RET: variants seen among roughly 807,000 people sequenced by gnomAD.
RET encodes proto-oncogene tyrosine-protein kinase receptor Ret.
A neutral mutation model predicts 118.3 loss-of-function variants in RET; 19 were observed. That is an observed-to-expected ratio of 0.16 (90% CI 0.11 to 0.24). RET has a LOEUF of 0.24. Ranked by LOEUF, RET falls within the 10% of genes least tolerant of loss-of-function variation. The pLI is 1.00. For missense variants in RET, 1,219 were observed against 1,502.1 expected (o/e 0.81, Z 3.12); for synonymous variants, 597 against 644.1 (o/e 0.93, Z 1.11).
At chr10:43,112,757 T>G in intron 8 of RET, 96 bp from the exon 9 acceptor site, 1 of 933,036 alleles carries the variant, frequency 1.1e-6, no homozygotes, top group Non-Finnish European at 1.7e-6. Flanking sequence ...GGCCTCCAGT[T>G]GCTCCTCCCT....
chr10:43,077,353 C>T, intron 1 of RET, 22 bp downstream of exon 1: 2 of 1,504,782 alleles, frequency 1.3e-6, no homozygotes, highest in Non-Finnish European at 8.8e-7. Flanking sequence ...CGGCCGCCGG[C>T]TCCCGCAGGG....
At chr10:43,096,569 G>C (rs1267269792) in intron 1 of RET, among the ~76,000 whole-genome samples, 1 of 152,154 alleles carries the variant, frequency 6.6e-6, no homozygotes. Flanking sequence ...GGCTGCACCT[G>C]CACTGGCCGT....
At chr10:43,100,351 GA>G in intron 1 of RET, 107 bp from the exon 2 acceptor site, 1 of 1,341,512 alleles carries the variant, frequency 7.5e-7, no homozygotes, top group Non-Finnish European at 1.0e-6. Context: ...GAACAGAGAT[GA>G]AAAACTCCTG....
intron 1 of RET, among the ~76,000 whole-genome samples, chr10:43,089,396 G>T (rs185011306): frequency 4.1e-4 from 63 of 152,352 alleles, no homozygotes; most frequent in Non-Finnish European, 7.2e-4. Context: ...TGAGCCCAGG[G>T]CTATGGGTGA....
intron 1 of RET, among the ~76,000 whole-genome samples, chr10:43,081,822 G>A (rs138782943): frequency 7.5e-4 from 114 of 152,318 alleles, no homozygotes; most frequent in Middle Eastern, 3.4e-3. Context: ...GGATTGAGGC[G>A]AAGCCTTGGT....
rs1837792528 is a variant in RET at position 43,106,862 on chromosome 10, C to T, written c.1063+291C>T. On this transcript the variant is annotated intron_variant, in intron 5 of 19. Transcript: ENST00000355710. The surrounding 1 kb of genome is among the most constrained non-coding windows in gnomAD (Gnocchi z 5.1). ...CCTCACCAGGGCTCACCACCGACTG[C>T]AAACACACATGTCACCTGAGGCTTT... 6.6e-6 allele frequency among the ~76,000 whole-genome samples: 1 copy of T among 152,228 alleles called. No homozygotes were observed. Among genetic ancestry groups the T allele is most frequent in the East Asian group, 1.9e-4 (1 of 5,200 alleles).
chr10:43,078,109 C>CA (rs969559315), intron 1 of RET, among the ~76,000 whole-genome samples: 8 of 152,210 alleles, frequency 5.3e-5, no homozygotes, highest in Non-Finnish European at 1.0e-4. Flanking sequence ...CCTTAGGATC[C>CA]CAGCATTAGG....
intron 1 of RET, among the ~76,000 whole-genome samples, chr10:43,096,676 T>G (rs1449098997): frequency 6.6e-6 from 1 of 152,192 alleles, no homozygotes; most frequent in Non-Finnish European, 1.5e-5. Flanking sequence ...GTCCGGTGGT[T>G]CCTGATGCCA....
chr10:43,128,215 T>C lies in RET; in HGVS notation c.3291T>C (p.Ala1097=). 6.2e-7 allele frequency: 1 copy of C among 1,614,226 alleles called. No individual in the cohort carries two copies. The highest frequency in any genetic ancestry group is 8.5e-7 in the Non-Finnish European group (1 of 1,180,036). Reference sequence around the variant, plus strand: ...GATATCCAAATGATAGTGTATATGCTAACTGGATGCTTTCACCCTCAGCGG... The same window carrying C: ...GATATCCAAATGATAGTGTATATGCCAACTGGATGCTTTCACCCTCAGCGG... ...FPRYPNDSVY[A]NWMLSPSAAK... Residue 1097 remains alanine, a synonymous_variant, in exon 20 of 20, where the codon GCT becomes GCC. Coordinates refer to ENST00000355710, the MANE Select transcript of RET (RefSeq NM_020975.6).
chr10:43,078,795 C>T (rs554622647), intron 1 of RET, among the ~76,000 whole-genome samples: 1 of 152,216 alleles, frequency 6.6e-6, no homozygotes, highest in Non-Finnish European at 1.5e-5. Flanking sequence ...ACTCAGCAGG[C>T]ATGCAGGTAG....
At chr10:43,125,893 C>T (rs1838317517) in intron 18 of RET, among the ~76,000 whole-genome samples, 1 of 152,174 alleles carries the variant, frequency 6.6e-6, no homozygotes, top group East Asian at 1.9e-4. Context: ...AAAACAGAAG[C>T]GATCACTGGT....
rs876658284 is a variant in RET, at chr10:43,100,554, C to T, written c.169C>T (p.Arg57Trp). The T allele has an allele frequency of 1.2e-6, 2 of 1,613,906 alleles. No homozygotes were observed. Among genetic ancestry groups the T allele is most frequent in the Non-Finnish European group, 1.7e-6 (2 of 1,180,006 alleles). ...GCCCTTGCTGTACGTCCATGCCCTG[C>T]GGGACGCCCCTGAGGAGGTGCCCAG... is the stretch of plus-strand genomic sequence containing the variant. ...GTPLLYVHAL[R>W]DAPEEVPSFR... The change falls in exon 2 of 20, where the codon CGG (arginine) becomes TGG (tryptophan). Residue 57 changes from arginine (R) to tryptophan (W), a missense_variant. By Grantham distance (101) the Arg-to-Trp change is moderately radical. Transcript: ENST00000355710.
intron 1 of RET, 53 bp from the exon 2 acceptor site, chr10:43,100,406 C>CTT: frequency 6.5e-7 from 1 of 1,548,050 alleles, no homozygotes; most frequent in African/African-American, 1.4e-5. Flanking sequence ...TTTTTTTGTC[C>CTT]TTGAAGAAGC....
At chr10:43,120,638 A>T (rs1838194678) in intron 15 of RET, among the ~76,000 whole-genome samples, 1 of 152,262 alleles carries the variant, frequency 6.6e-6, no homozygotes, top group African/African-American at 2.4e-5. Context: ...TCTCCCGCAC[A>T]GGGGCCTTGG....
Position 43,100,667 on chromosome 10 carries a change from C to T in RET, c.282C>T (p.Leu94=). 2 of 1,611,632 alleles carry T rather than the reference C, an allele frequency of 1.2e-6. No individual in the cohort carries two copies. Among genetic ancestry groups the T allele is most frequent in the African/African-American group, 1.3e-5 (1 of 75,030 alleles). The change falls in exon 2 of 20, where the codon CTC becomes CTT. Residue 94 remains leucine (L), a synonymous_variant. Coordinates refer to ENST00000355710, the MANE Select transcript of RET (RefSeq NM_020975.6). ...TCTGCATCCAGGAGGACACCGGCCT[C>T]CTCTACCTTAACCGGAGCCTGGACC... ...NWICIQEDTG[L]LYLNRSLDHS...
chr10:43,078,326 C>G (rs1837097578), intron 1 of RET, among the ~76,000 whole-genome samples: 1 of 152,230 alleles, frequency 6.6e-6, no homozygotes. Flanking sequence ...TTACAAAGGG[C>G]TTTCTCTCCC....
intron 8 of RET, 92 bp downstream of exon 8, chr10:43,112,316 C>A (rs1837958787): frequency 3.9e-6 from 6 of 1,524,324 alleles, no homozygotes; most frequent in Non-Finnish European, 5.3e-6. Context: ...GGGTGGCTCT[C>A]CCTGCTCCAG....
chr10:43,081,097 G>A (rs1315247039), intron 1 of RET, among the ~76,000 whole-genome samples: 1 of 152,136 alleles, frequency 6.6e-6, no homozygotes, highest in African/African-American at 2.4e-5. Flanking sequence ...AAAGCAGGGT[G>A]CAGCCCCCCA....
chr10:43,094,735 G>A (rs1034300486), intron 1 of RET, among the ~76,000 whole-genome samples: 1 of 152,242 alleles, frequency 6.6e-6, no homozygotes, highest in African/African-American at 2.4e-5. Context: ...GCAGGAAAAT[G>A]TGTGTGCTTG....
Sources: allele counts gnomAD v4.1 joint callset (sites outside exome capture counted in the v4.1 genomes callset), GRCh38; gene constraint gnomAD v4.1.1; non-coding constraint Gnocchi (gnomAD v3.1); transcripts MANE v1.5; gene names NCBI Gene and HGNC (gene_info 2026-07-23, HGNC 2026-07-21).